TRANK1: variants seen among roughly 807,000 people sequenced by gnomAD.
TRANK1 encodes TPR and ankyrin repeat-containing protein 1.
A neutral mutation model predicts 266.0 loss-of-function variants in TRANK1; 198 were observed. The observed-to-expected ratio is 0.74, with a 90% CI of 0.66 to 0.84. The LOEUF (loss-of-function observed/expected upper bound fraction) is 0.84. Ranked by LOEUF, TRANK1 falls within the 40% of genes least tolerant of loss-of-function variation. TRANK1 has a pLI of 0.00. For missense variants in TRANK1, 3,326 were observed against 3,634.6 expected, an observed-to-expected ratio of 0.92 and a Z score of 2.18; for synonymous variants, 1,396 against 1,384.1, an observed-to-expected ratio of 1.01 and a Z score of -0.19.
chr3:36,925,496 GA>G (rs199952900), intron 1 of TRANK1, among the ~76,000 whole-genome samples: 4,503 of 150,034 alleles, frequency 0.03, 99 homozygotes, highest in African/African-American at 0.039. Flanking sequence ...TAAAGTTAAA[GA>G]AAAAAAGGTA....
intron 4 of TRANK1, 48 bp downstream of exon 4, chr3:36,899,061 A>G (rs1320334396): frequency 2.6e-6 from 4 of 1,527,468 alleles, no homozygotes; most frequent in Non-Finnish European, 3.5e-6. Flanking sequence ...GAGCTATTTC[A>G]ATAAAATAGC....
intron 8 of TRANK1, among the ~76,000 whole-genome samples, chr3:36,885,563 T>A (rs1434608140): frequency 6.6e-6 from 1 of 152,192 alleles, no homozygotes; most frequent in Non-Finnish European, 1.5e-5. Context: ...AGAGACAGGG[T>A]CTCAGTCAAC....
Position 36,856,985 on chromosome 3 carries a change from C to T in TRANK1, c.2737G>A (p.Glu913Lys). 1 of 1,613,862 alleles carries T rather than the reference C, an allele frequency of 6.2e-7. No individual in the cohort carries two copies. Among genetic ancestry groups the T allele is most frequent in the Non-Finnish European group, 8.5e-7 (1 of 1,179,848 alleles). The change falls in exon 13 of 24, where the codon GAG (glutamate) becomes AAG (lysine). Residue 913 changes from glutamate (E) to lysine (K), a missense_variant. By Grantham distance (56) the Glu-to-Lys change is moderately conservative (BLOSUM62 1). Transcript: ENST00000645898. ...LAIDFSPRCSENPEKIIATEQ... is the reference protein window; with the variant it reads ...LAIDFSPRCSKNPEKIIATEQ... Reference sequence around the variant, plus strand: ...GTGGCAATGATCTTCTCAGGGTTCTCACTGCATCGAGGGGAGAAGTCAATG... The same window carrying T: ...GTGGCAATGATCTTCTCAGGGTTCTTACTGCATCGAGGGGAGAAGTCAATG...
In TRANK1 at chr3:36,857,462, G is replaced by A. The variant is rs944532182; in HGVS notation, c.2260C>T (p.Leu754Phe). 6 of 1,613,850 alleles carry A rather than the reference G, an allele frequency of 3.7e-6. No homozygotes were observed. The highest frequency in any genetic ancestry group is 5.1e-6 in the Non-Finnish European group (6 of 1,179,888). The change falls in exon 13 of 24, where the codon CTT becomes TTT. Residue 754 changes from leucine to phenylalanine, a missense_variant. Coordinates refer to ENST00000645898, the MANE Select transcript of TRANK1 (RefSeq NM_001329998.2). The surrounding 1 kb of genome is among the most constrained non-coding windows in gnomAD (Gnocchi z 4.3). ...EVDPSFPEDC[L>F]QSSEPLEAGA... ...GCCTCCAGAGGCTCAGAGCTCTGAA[G>A]ACAGTCCTCTGGGAAAGACGGATCC... is the stretch of plus-strand genomic sequence containing the variant.
intron 4 of TRANK1, among the ~76,000 whole-genome samples, chr3:36,897,698 C>T (rs1449171337): frequency 2.0e-5 from 3 of 152,240 alleles, no homozygotes; most frequent in African/African-American, 7.2e-5. Context: ...ATTCTAACAT[C>T]TCTGAAATCA....
At chr3:36,876,205 G>A (rs1468758735) in intron 8 of TRANK1, among the ~76,000 whole-genome samples, 1 of 152,154 alleles carries the variant, frequency 6.6e-6, no homozygotes, top group Non-Finnish European at 1.5e-5. Flanking sequence ...CAGATTTGAT[G>A]GTGTGAACAC....
At chr3:36,941,286 C>A (rs1365254744) in intron 1 of TRANK1, among the ~76,000 whole-genome samples, 1 of 152,176 alleles carries the variant, frequency 6.6e-6, no homozygotes, top group East Asian at 1.9e-4. Context: ...GTTGCTGGAA[C>A]TTCAAAGACA....
chr3:36,893,103 G>C (rs2079732930), intron 5 of TRANK1, 119 bp from the exon 6 acceptor site: 1 of 382,538 alleles, frequency 2.6e-6, no homozygotes, highest in African/African-American at 2.1e-5. Flanking sequence ...CTCTAGCCTT[G>C]TCTTTTTTTA....
At chr3:36,916,397 C>T (rs1039473343) in intron 1 of TRANK1, among the ~76,000 whole-genome samples, 9 of 152,146 alleles carry the variant, frequency 5.9e-5, no homozygotes, top group Non-Finnish European at 1.2e-4. Context: ...AACTCCGTCT[C>T]TCCTAAAAAA....
intron 9 of TRANK1, among the ~76,000 whole-genome samples, chr3:36,868,434 A>G (rs1464388579): frequency 6.6e-6 from 1 of 152,218 alleles, no homozygotes; most frequent in Non-Finnish European, 1.5e-5. Flanking sequence ...TGAAGTTGCA[A>G]CCATAGTCAG....
At chr3:36,868,429 T>C (rs925154922) in intron 9 of TRANK1, among the ~76,000 whole-genome samples, 17 of 152,186 alleles carry the variant, frequency 1.1e-4, no homozygotes, top group Non-Finnish European at 2.5e-4. Flanking sequence ...TCTTCTGAAG[T>C]TGCAACCATA....
intron 22 of TRANK1, 66 bp downstream of exon 22, chr3:36,830,807 C>T: frequency 6.7e-7 from 1 of 1,491,654 alleles, no homozygotes; most frequent in Non-Finnish European, 8.9e-7. Flanking sequence ...AGGAATTTAA[C>T]CCTGAGAAAT....
At chr3:36,890,338 T>G (rs1040440350) in intron 7 of TRANK1, among the ~76,000 whole-genome samples, 1 of 152,024 alleles carries the variant, frequency 6.6e-6, no homozygotes, top group African/African-American at 2.4e-5. Flanking sequence ...CCTAGTAGGG[T>G]CACTCCAGCC....
At chr3:36,945,177 G>A, upstream of TRANK1, 1 of 257,600 alleles carries the variant, frequency 3.9e-6, no homozygotes, top group South Asian at 1.0e-4. Context: ...GCAAGCAAAT[G>A]GTATGGCTCT....
intron 20 of TRANK1, among the ~76,000 whole-genome samples, chr3:36,837,109 T>C (rs2078780750): frequency 6.6e-6 from 1 of 152,246 alleles, no homozygotes; most frequent in African/African-American, 2.4e-5. Context: ...AGCAGCCTTC[T>C]TCTGGATCCT....
In TRANK1 at chr3:36,834,693, C is replaced by T. The variant is rs920300712; in HGVS notation, c.5663+69G>A. Reference sequence around the variant, plus strand: ...TCAGAAGCAGCAGGATAGCACCACCCAGAGCAGGCTGCCCCCAGAGAGAAG... The same window carrying T: ...TCAGAAGCAGCAGGATAGCACCACCTAGAGCAGGCTGCCCCCAGAGAGAAG... On this transcript the variant is annotated intron_variant, in intron 21 of 23. Transcript: ENST00000645898. 22 of 1,546,856 alleles carry T rather than the reference C, an allele frequency of 1.4e-5. No individual in the cohort carries two copies. The Admixed American group carries it at 4.1e-4, about 29-fold the overall frequency.
rs1276037729 is a variant in TRANK1, at chr3:36,831,819, G to T, written c.7764C>A (p.His2588Gln). ...QPYCKPLLYR[H>Q]FREIESRLQL... is the part of the protein sequence containing the mutation. ...GCAGCCTTGACTCAATCTCCCGGAA[G>T]TGGCGATACAGGAGAGGCTTGCAGT... is the stretch of plus-strand genomic sequence containing the variant. Residue 2588 changes from histidine (H) to glutamine (Q), a missense_variant, in exon 22 of 24, where the codon CAC (histidine) becomes CAA (glutamine). Coordinates refer to ENST00000645898, the MANE Select transcript of TRANK1 (RefSeq NM_001329998.2). The surrounding 1 kb of genome is among the most constrained non-coding windows in gnomAD (Gnocchi z 5.0). 3 of 1,613,886 alleles carry T rather than the reference G, an allele frequency of 1.9e-6. No individual in the cohort carries two copies. The African/African-American group carries it at 4.0e-5, about 22-fold the overall frequency.
chr3:36,861,162 T>C lies in TRANK1; in HGVS notation c.1241-2A>G. On this transcript the variant is annotated splice_acceptor_variant, in intron 10 of 23. Coordinates refer to ENST00000645898, the MANE Select transcript of TRANK1 (RefSeq NM_001329998.2). LOFTEE classifies it high-confidence loss of function. Reference sequence around the variant, plus strand: ...CACAGACCAGGTCAGGAGGAATTTCTTTCAAAAATAAGAGTAAGACACATT... The same window carrying C: ...CACAGACCAGGTCAGGAGGAATTTCCTTCAAAAATAAGAGTAAGACACATT... 1 of 1,535,408 alleles carries C rather than the reference T, an allele frequency of 6.5e-7. No individual in the cohort carries two copies. Among genetic ancestry groups the C allele is most frequent in the Non-Finnish European group, 8.7e-7 (1 of 1,145,868 alleles).
At chr3:36,835,739 A>G (rs977041823) in intron 20 of TRANK1, among the ~76,000 whole-genome samples, 1 of 152,232 alleles carries the variant, frequency 6.6e-6, no homozygotes, top group African/African-American at 2.4e-5. Context: ...TTGCTATCCA[A>G]TCTCACCACT....
Sources: gnomAD v4.1 joint callset for allele counts (sites outside exome capture counted in the v4.1 genomes callset) on GRCh38, gnomAD v4.1.1 for gene constraint, Gnocchi (gnomAD v3.1) non-coding constraint, MANE v1.5 for transcripts, NCBI Gene and HGNC (gene_info 2026-07-23, HGNC 2026-07-21) for gene names.